The following GCSAM variants were observed in gnomAD, a reference collection of about 807,000 sequenced individuals.
The protein encoded by GCSAM is germinal center-associated signaling and motility protein.
A neutral mutation model predicts 17.6 loss-of-function variants in GCSAM; 8 were observed. The observed-to-expected ratio is 0.46, with a 90% CI of 0.27 to 0.82. The LOEUF is 0.82. GCSAM is among the 40% of genes least tolerant of loss of function. The probability of loss-of-function intolerance (pLI) is 0.15; values close to 1 mark genes in which losing one functional copy is unlikely to be tolerated. For missense variants in GCSAM, 192 were observed against 213.5 expected (o/e 0.90, Z 0.63); for synonymous variants, 68 against 69.0 (o/e 0.98, Z 0.07).
At chr3:112,126,880 A>C in intron 4 of GCSAM, 107 bp downstream of exon 4, 1 of 798,526 alleles carries the variant, frequency 1.3e-6, no homozygotes, top group Non-Finnish European at 2.2e-6. Flanking sequence ...AAATGTGTAG[A>C]TATTGTAATT....
chr3:112,131,139 C>T (rs1463388463), intron 1 of GCSAM: 1 of 152,168 alleles, frequency 6.6e-6, no homozygotes, highest in Non-Finnish European at 1.5e-5. Context: ...TTCATTTAAT[C>T]CCAGAATAAA....
chr3:112,126,256 T>G (rs2107804412), intron 4 of GCSAM, among the ~76,000 whole-genome samples: 1 of 152,282 alleles, frequency 6.6e-6, no homozygotes, highest in African/African-American at 2.4e-5. Context: ...AGGGCTAGAT[T>G]TTAAGATTCT....
At chr3:112,127,504 G>A (rs9835431) in intron 3 of GCSAM, among the ~76,000 whole-genome samples, 46,827 of 151,976 alleles carry the variant, frequency 0.31, 7,302 homozygotes, top group East Asian at 0.36. Context: ...TATAATGGAA[G>A]CCCACTATCG....
Position 112,122,543 on chromosome 3 carries a change from A to G in GCSAM, c.*912T>C, listed in dbSNP as rs914449733. 3 of 152,190 alleles carry G rather than the reference A, an allele frequency of 2.0e-5. No homozygotes were observed. The highest frequency in any genetic ancestry group is 7.2e-5 in the African/African-American group (3 of 41,454). The allele number at this position is 152,190 out of a possible 1,614,324, so 9.4% of individuals were successfully genotyped here. ...GAAGGTATATATGTGTTAATTTCCT[A>G]TGTGGACATTTTATTCATATTTTAT... On this transcript the variant is annotated 3_prime_UTR_variant, in exon 6 of 6. Transcript: ENST00000308910.
chr3:112,133,029 C>T, intron 1 of GCSAM, 63 bp downstream of exon 1: 3 of 1,540,246 alleles, frequency 1.9e-6, no homozygotes, highest in Non-Finnish European at 8.9e-7. Flanking sequence ...CTTTCTTTTT[C>T]TCTTCCTTGC....
In GCSAM at chr3:112,123,263, TA is replaced by T; in HGVS notation, c.*191del. 1 of 1,027,158 alleles carries T rather than the reference TA, an allele frequency of 9.7e-7. No individual in the cohort carries two copies. The highest frequency in any genetic ancestry group is 1.7e-5 in the South Asian group (1 of 58,110). The allele number at this position is 1,027,158 out of a possible 1,614,324, so 63.6% of individuals were successfully genotyped here. ...CTTTCTCAAATGGTGTTGTTCAGGA[TA>T]AATGGTTGATCTTTAGATTTTGGCT... On this transcript the variant is annotated 3_prime_UTR_variant, in exon 6 of 6. Coordinates refer to ENST00000308910, the MANE Select transcript of GCSAM (RefSeq NM_152785.5).
Position 112,123,181 on chromosome 3 carries a change from G to C in GCSAM, c.*274C>G, listed in dbSNP as rs1199478092. 2.1e-6 allele frequency: 1 copy of C among 484,910 alleles called. No individual in the cohort carries two copies. The highest frequency in any genetic ancestry group is 3.7e-6 in the Non-Finnish European group (1 of 271,636). 30.0% of individuals were successfully genotyped at this position (484,910 alleles called of 1,614,324 possible). On this transcript the variant is annotated 3_prime_UTR_variant, in exon 6 of 6. Coordinates refer to ENST00000308910, the MANE Select transcript of GCSAM (RefSeq NM_152785.5). ...GGTGTGCATAGCTTTAGGGGAATCA[G>C]GGAGCCCCTCCTACCACTATACTCT...
At position 112,123,122 on chromosome 3, in the gene GCSAM, A is replaced by G; in HGVS notation, c.*333T>C. The G allele has an allele frequency of 3.4e-6, 1 of 297,388 alleles. No homozygotes were observed. 18.4% of individuals were successfully genotyped at this position (297,388 alleles called of 1,614,324 possible). A position where few individuals can be genotyped will look rare whatever the true frequency, so the allele number is the denominator to read the frequency against. ...AGAATGATCATGGGAACACTTTATAAGAAGATCCCAGACAGAAGAGCAGAG... is the reference window on the plus strand; with the variant it reads ...AGAATGATCATGGGAACACTTTATAGGAAGATCCCAGACAGAAGAGCAGAG... On this transcript the variant is annotated 3_prime_UTR_variant, in exon 6 of 6. Transcript: ENST00000308910.
Position 112,121,779 on chromosome 3 carries a change from C to A in GCSAM, c.*1676G>T. ...CTGAAGGCTCCACAAACCTGTGACA[C>A]ATGCAAGCTCAAGCCATTGCATTTC... is the stretch of plus-strand genomic sequence containing the variant. On this transcript the variant is annotated 3_prime_UTR_variant, in exon 6 of 6. Transcript: ENST00000308910. The A allele has an allele frequency of 6.6e-6, 1 of 152,336 alleles. No homozygotes were observed. The allele number at this position is 152,336 out of a possible 1,614,324, so 9.4% of individuals were successfully genotyped here.
chr3:112,121,065 T>G lies in GCSAM; in HGVS notation c.*2390A>C, dbSNP rs189929401. 4 of 152,358 alleles carry G rather than the reference T, an allele frequency of 2.6e-5. No individual in the cohort carries two copies. In the East Asian group the frequency reaches 5.8e-4, roughly 22 times the overall value. The allele number at this position is 152,358 out of a possible 1,614,324, so 9.4% of individuals were successfully genotyped here. ...TAATCCCTCTTATAATTCCCTCTTA[T>G]AAATCCCTGTTATAATTACATTATA... On this transcript the variant is annotated 3_prime_UTR_variant, in exon 6 of 6. Coordinates refer to ENST00000308910, the MANE Select transcript of GCSAM (RefSeq NM_152785.5).
intron 3 of GCSAM, 89 bp downstream of exon 3, chr3:112,127,928 G>T: frequency 9.4e-7 from 1 of 1,068,204 alleles, no homozygotes; most frequent in South Asian, 1.3e-5. Flanking sequence ...CTTCCACTGT[G>T]GCCACAGACA....
chr3:112,133,068 C>A, intron 1 of GCSAM, 24 bp downstream of exon 1: 1 of 1,611,438 alleles, frequency 6.2e-7, no homozygotes, highest in Non-Finnish European at 8.5e-7. Context: ...CTCCTCTGCT[C>A]TCCCACAGGG....
chr3:112,123,493 G>C lies in GCSAM; in HGVS notation c.499C>G (p.Leu167Val), dbSNP rs1175220122. 1.2e-6 allele frequency: 2 copies of C among 1,614,166 alleles called. No individual in the cohort carries two copies. Among genetic ancestry groups the C allele is most frequent in the East Asian group, 2.2e-5 (1 of 44,878 alleles). Residue 167 changes from leucine (L) to valine (V), a missense_variant, in exon 6 of 6, where the codon CTT becomes GTT. By Grantham distance (32) the Leu-to-Val change is conservative. Transcript: ENST00000308910. ...AACTGAGTCTCAGAAGGGGCCATAA[G>C]TGGACGTGGCTGTTGCAGAAAGTGA... ...SSHFLQQPRP[L>V]MAPSETQFSH...
chr3:112,126,421 C>T (rs2074319256), intron 4 of GCSAM, among the ~76,000 whole-genome samples: 1 of 152,128 alleles, frequency 6.6e-6, no homozygotes, highest in Non-Finnish European at 1.5e-5. Flanking sequence ...TTCTAGAATT[C>T]TTTCTCCTTA....
At chr3:112,125,109 A>G (rs1271180986) in intron 5 of GCSAM, 117 bp downstream of exon 5, 2 of 739,058 alleles carry the variant, frequency 2.7e-6, no homozygotes, top group African/African-American at 1.7e-5. Context: ...ACTGACATCT[A>G]AAGTCTTTCT....
chr3:112,126,176 C>G (rs2074312692), intron 4 of GCSAM, among the ~76,000 whole-genome samples: 1 of 152,126 alleles, frequency 6.6e-6, no homozygotes, highest in Non-Finnish European at 1.5e-5. Flanking sequence ...ATTGAGGTTC[C>G]CTGGGACCCA....
Position 112,123,613 on chromosome 3 carries a change from C to T in GCSAM, c.379G>A (p.Glu127Lys). The part of the protein sequence containing the change: ...PRESLGGTET[E>K]YSLLHMPSTD... ...GAAGGCATATGTAGAAGTGAATACT[C>T]AGTCTCAGTTCCTCCCAAGGACTCT... Residue 127 changes from glutamate to lysine, a missense_variant, in exon 6 of 6, where the codon GAG becomes AAG. Physicochemically the swap from Glu to Lys is moderately conservative, Grantham distance 56. Coordinates refer to ENST00000308910, the MANE Select transcript of GCSAM (RefSeq NM_152785.5). 1 of 1,614,094 alleles carries T rather than the reference C, an allele frequency of 6.2e-7. No homozygotes were observed. The highest frequency in any genetic ancestry group is 8.5e-7 in the Non-Finnish European group (1 of 1,179,996).
In GCSAM at chr3:112,123,292, T is replaced by C. The variant is rs1576157940; in HGVS notation, c.*163A>G. 2 of 1,360,352 alleles carry C rather than the reference T, an allele frequency of 1.5e-6. No individual in the cohort carries two copies. Among genetic ancestry groups the C allele is most frequent in the East Asian group, 5.0e-5 (2 of 39,882 alleles). The allele number at this position is 1,360,352 out of a possible 1,614,324, so 84.3% of individuals were successfully genotyped here. A position where few individuals can be genotyped will look rare whatever the true frequency, so the allele number is the denominator to read the frequency against. ...TGGTTGATCTTTAGATTTTGGCTTT[T>C]GCGTGCTAAGAGGGCTTGTGGTATA... On this transcript the variant is annotated 3_prime_UTR_variant, in exon 6 of 6. Coordinates refer to ENST00000308910, the MANE Select transcript of GCSAM (RefSeq NM_152785.5).
chr3:112,130,484 C>T lies in GCSAM; in HGVS notation c.59G>A (p.Trp20Ter), dbSNP rs2074427433. The change falls in exon 2 of 6, where the codon TGG (tryptophan) becomes TAG (stop). Residue 20 changes from tryptophan (W) to a stop codon, truncating the protein, a stop_gained. Coordinates refer to ENST00000308910, the MANE Select transcript of GCSAM (RefSeq NM_152785.5). LOFTEE classifies it high-confidence loss of function. ...RRQQNTQEMPWNVRMQSPKQR... is the reference protein window; with the variant it reads ...RRQQNTQEMP ...TTTGGGGCTTTGCATTCTCACATTC[C>T]AAGGCATCTCTTGAGTGTTCTGCTG... 1 of 1,614,034 alleles carries T rather than the reference C, an allele frequency of 6.2e-7. No individual in the cohort carries two copies. The highest frequency in any genetic ancestry group is 8.5e-7 in the Non-Finnish European group (1 of 1,179,936).
Sources: gnomAD v4.1 joint callset for allele counts (sites outside exome capture counted in the v4.1 genomes callset) on GRCh38, gnomAD v4.1.1 for gene constraint, MANE v1.5 for transcripts, NCBI Gene and HGNC (gene_info 2026-07-23, HGNC 2026-07-21) for gene names.